Variants in MYO3B observed in about 807,000 individuals in gnomAD.
MYO3B encodes myosin-IIIb.
A neutral mutation model predicts 174.6 loss-of-function variants in MYO3B; 156 were observed. The observed-to-expected ratio is 0.89, with a 90% confidence interval of 0.78 to 1.02. The LOEUF is 1.02. Among genes scored for constraint, MYO3B ranks in the 50% least tolerant of loss-of-function variants. The pLI, the probability that MYO3B is intolerant of heterozygous loss-of-function variation, is 0.00. For synonymous variants in MYO3B, 563 were observed against 569.1 expected, an observed-to-expected ratio of 0.99 and a Z score of 0.15; for missense variants, 1,632 against 1,639.4, an observed-to-expected ratio of 1.00 and a Z score of 0.08.
intron 32 of MYO3B, among the ~76,000 whole-genome samples, chr2:170,569,017 C>T (rs1266351217): frequency 1.3e-5 from 2 of 152,156 alleles, no homozygotes; most frequent in Non-Finnish European, 2.9e-5. Context: ...CATGTTGTTG[C>T]TTCTAACCTT....
At position 170,543,973 on chromosome 2, in the gene MYO3B, G is replaced by A. The variant is rs1690304642; in HGVS notation, c.3718G>A (p.Ala1240Thr). The change falls in exon 32 of 35, where the codon GCC (alanine) becomes ACC (threonine). Residue 1240 changes from alanine (A) to threonine (T), a missense_variant. Physicochemically the swap from Ala to Thr is moderately conservative, Grantham distance 58. Coordinates refer to ENST00000408978, the MANE Select transcript of MYO3B (RefSeq NM_138995.5). ...PDQQGLSLWG[A>T]PQKPGSENGL... ...TCAGCAAGGATTGAGTCTCTGGGGA[G>A]CCCCTCAAAAGCCTGGTAAGAAGAA... 6.2e-7 allele frequency: 1 copy of A among 1,612,566 alleles called. No individual in the cohort carries two copies. Among genetic ancestry groups the A allele is most frequent in the Non-Finnish European group, 8.5e-7 (1 of 1,178,858 alleles).
chr2:170,596,918 G>C (rs746433966), intron 32 of MYO3B, among the ~76,000 whole-genome samples: 1 of 152,156 alleles, frequency 6.6e-6, no homozygotes, highest in Non-Finnish European at 1.5e-5. Flanking sequence ...ACCTCTTCTT[G>C]ACCCTCATGA....
chr2:170,337,142 G>A (rs1025500743), intron 8 of MYO3B, among the ~76,000 whole-genome samples: 13 of 152,004 alleles, frequency 8.6e-5, no homozygotes, highest in African/African-American at 3.1e-4. Flanking sequence ...GCTCACATAA[G>A]AGCAGTGGAA....
intron 32 of MYO3B, among the ~76,000 whole-genome samples, chr2:170,622,069 C>T (rs566625351): frequency 2.0e-5 from 3 of 152,294 alleles, no homozygotes; most frequent in East Asian, 3.9e-4. Context: ...ACCTTTAAAT[C>T]GGCTCCACCC....
At chr2:170,472,055 C>G (rs1350732870) in intron 25 of MYO3B, among the ~76,000 whole-genome samples, 1 of 149,134 alleles carries the variant, frequency 6.7e-6, no homozygotes, top group Non-Finnish European at 1.5e-5. Context: ...TTTCTGGACT[C>G]TCTTCTATTC....
intron 32 of MYO3B, among the ~76,000 whole-genome samples, chr2:170,584,571 TG>T (rs1431120209): frequency 6.6e-6 from 1 of 152,228 alleles, no homozygotes; most frequent in Admixed American, 6.5e-5. Context: ...CCCCATTAAG[TG>T]TTTCTTGGAT....
chr2:170,465,729 T>C (rs1467233202), intron 24 of MYO3B, among the ~76,000 whole-genome samples: 1 of 152,204 alleles, frequency 6.6e-6, no homozygotes, highest in Admixed American at 6.5e-5. Flanking sequence ...CGTTCACGAG[T>C]GCTAAACCTG....
intron 8 of MYO3B, among the ~76,000 whole-genome samples, chr2:170,362,722 A>C (rs1279252480): frequency 1.3e-5 from 2 of 152,216 alleles, no homozygotes; most frequent in Admixed American, 1.3e-4. Context: ...ATGCAATTTC[A>C]GTTCTCACCA....
intron 32 of MYO3B, among the ~76,000 whole-genome samples, chr2:170,595,975 G>A (rs1694123135): frequency 6.6e-6 from 1 of 152,164 alleles, no homozygotes; most frequent in Non-Finnish European, 1.5e-5. Flanking sequence ...GAATCCAGGT[G>A]TTTTCAACAT....
intron 32 of MYO3B, among the ~76,000 whole-genome samples, chr2:170,627,863 C>T (rs991873282): frequency 1.2e-4 from 17 of 147,214 alleles, no homozygotes; most frequent in African/African-American, 3.3e-4. Flanking sequence ...TGTAGATCAG[C>T]GAATATTGCT....
intron 32 of MYO3B, chr2:170,601,987 G>A (rs761179012): frequency 1.9e-5 from 16 of 864,700 alleles, no homozygotes; most frequent in Non-Finnish European, 3.0e-5. Flanking sequence ...CTCCCCTTTA[G>A]GAGGGATATA....
Position 170,607,076 on chromosome 2 carries a change from C to T in MYO3B, c.3734-44552C>T, listed in dbSNP as rs557704553. On this transcript the variant is annotated intron_variant, in intron 32 of 34. Transcript: ENST00000408978. ...ATACAAGTAATAAATATACTCTTCT[C>T]TTAATAAGTAATTATCATCTGGGAG... is the stretch of plus-strand genomic sequence containing the variant. Among the ~76,000 whole-genome samples the T allele has an allele frequency of 5.1e-4, 78 of 152,212 alleles. 1 individual carries two copies. The South Asian group carries it at 0.016, about 31-fold the overall frequency.
intron 7 of MYO3B, among the ~76,000 whole-genome samples, chr2:170,245,467 C>T (rs1574647419): frequency 6.6e-6 from 1 of 152,184 alleles, no homozygotes; most frequent in East Asian, 1.9e-4. Context: ...ATGATGTCTT[C>T]CTTCTGAGTG....
intron 25 of MYO3B, among the ~76,000 whole-genome samples, chr2:170,489,634 GGTGTGTGTGT>G (rs369174830): frequency 5.7e-5 from 8 of 139,394 alleles, no homozygotes; most frequent in East Asian, 4.1e-4. Context: ...AACCAGTAGG[GGTGTGTGTGT>G]GTGTGTGTGT....
chr2:170,468,986 CT>C (rs1684808658), intron 25 of MYO3B, among the ~76,000 whole-genome samples: 1 of 152,100 alleles, frequency 6.6e-6, no homozygotes, highest in Non-Finnish European at 1.5e-5. Context: ...GAAATCCTGT[CT>C]TTACTAAAAA....
intron 1 of MYO3B, among the ~76,000 whole-genome samples, chr2:170,190,041 A>G (rs1593238): frequency 0.48 from 73,647 of 152,074 alleles, 18,925 homozygotes; most frequent in East Asian, 0.86. Context: ...CACAGCAGCA[A>G]TATCTGCATC....
At chr2:170,427,506 C>T (rs903052612) in intron 22 of MYO3B, among the ~76,000 whole-genome samples, 4 of 151,912 alleles carry the variant, frequency 2.6e-5, no homozygotes, top group South Asian at 4.2e-4. Context: ...GTTTTATGAA[C>T]GGGTTATACA....
At chr2:170,516,872 T>G (rs141887492) in intron 29 of MYO3B, among the ~76,000 whole-genome samples, 25 of 152,316 alleles carry the variant, frequency 1.6e-4, no homozygotes, top group Admixed American at 4.6e-4. Flanking sequence ...AAGTTCATAA[T>G]TTTATTTTTC....
intron 7 of MYO3B, among the ~76,000 whole-genome samples, chr2:170,285,731 T>A (rs188144915): frequency 1.4e-4 from 22 of 152,294 alleles, no homozygotes; most frequent in African/African-American, 4.8e-4. Flanking sequence ...ATGTCAAATT[T>A]CTCGATCTTT....
Sources: gnomAD v4.1 joint callset for allele counts (sites outside exome capture counted in the v4.1 genomes callset) on GRCh38, gnomAD v4.1.1 for gene constraint, MANE v1.5 for transcripts, NCBI Gene and HGNC (gene_info 2026-07-23, HGNC 2026-07-21) for gene names.